Variants in TMEM132B observed in about 807,000 individuals in gnomAD.
The protein encoded by TMEM132B is transmembrane protein 132B.
A neutral mutation model predicts 90.8 loss-of-function variants in TMEM132B; 18 were observed. The ratio of observed to expected loss-of-function variants is 0.20; its 90% CI spans 0.14 to 0.29. The LOEUF (loss-of-function observed/expected upper bound fraction) is 0.29, where lower values mean the gene tolerates loss of function less well. TMEM132B is among the 10% of genes least tolerant of loss of function. The pLI is 1.00. For synonymous variants in TMEM132B, 504 were observed against 523.3 expected, an observed-to-expected ratio of 0.96 and a Z score of 0.50; for missense variants, 1,096 against 1,326.8, an observed-to-expected ratio of 0.83 and a Z score of 2.70.
chr12:125,416,459 T>G (rs753539305), intron 3 of TMEM132B, among the ~76,000 whole-genome samples: 4 of 152,272 alleles, frequency 2.6e-5, no homozygotes, highest in Non-Finnish European at 5.9e-5. Context: ...CCGAGTTTGT[T>G]GCTTATCACC....
intron 4 of TMEM132B, among the ~76,000 whole-genome samples, chr12:125,567,159 A>G (rs1459604643): frequency 6.6e-6 from 1 of 152,070 alleles, no homozygotes; most frequent in African/African-American, 2.4e-5. Flanking sequence ...TTTGGCTGAC[A>G]ACCACAGCCT....
chr12:125,437,125 C>T (rs1029568455), intron 3 of TMEM132B, among the ~76,000 whole-genome samples: 1 of 152,126 alleles, frequency 6.6e-6, no homozygotes, highest in African/African-American at 2.4e-5. Context: ...AGACAGATGT[C>T]TTTGCACCCA....
In TMEM132B at chr12:125,494,666, G is replaced by T. The variant is rs370856754; in HGVS notation, c.1107-24773G>T. On this transcript the variant is annotated intron_variant, in intron 3 of 8. Transcript: ENST00000682704. ...GCCATGTCCCTCATCCTTGGAAATG[G>T]ATGTGTCCCTCCTCCCCTTCCTCCC... Among the ~76,000 whole-genome samples the T allele has an allele frequency of 2.3e-4, 27 of 119,078 alleles. No individual in the cohort carries two copies. The East Asian group carries it at 5.9e-3, about 26-fold the overall frequency. 78.1% of individuals were successfully genotyped at this position (119,078 alleles called of 152,430 possible). A position where few individuals can be genotyped will look rare whatever the true frequency, so the allele number is the denominator to read the frequency against.
intron 1 of TMEM132B, among the ~76,000 whole-genome samples, chr12:125,216,470 A>G (rs1397646019): frequency 2.0e-5 from 3 of 151,970 alleles, no homozygotes; most frequent in African/African-American, 7.3e-5. Context: ...TGAACACAAA[A>G]CTTCATTTTG....
At position 125,662,299 on chromosome 12, in the gene TMEM132B, C is replaced by T. The variant is rs1007004912; in HGVS notation, c.*7589C>T. The T allele has an allele frequency of 6.6e-6, 1 of 152,036 alleles. No homozygotes were observed. Among genetic ancestry groups the T allele is most frequent in the Non-Finnish European group, 1.5e-5 (1 of 67,998 alleles). The allele number at this position is 152,036 out of a possible 1,614,324, so 9.4% of individuals were successfully genotyped here. The stretch of plus-strand genomic sequence containing the variant: ...GTATGATCTGTTGTGTATGTTCCAC[C>T]GTATATTTAATGTCTCTGTAAAGGC... On this transcript the variant is annotated 3_prime_UTR_variant, in exon 9 of 9. Coordinates refer to ENST00000682704, the MANE Select transcript of TMEM132B (RefSeq NM_001366854.1).
intron 1 of TMEM132B, among the ~76,000 whole-genome samples, chr12:125,295,515 TGAGAGAGA>T (rs1555237218): frequency 7.0e-6 from 1 of 142,336 alleles, no homozygotes; most frequent in Non-Finnish European, 1.5e-5. Context: ...TGTGTGTGTG[TGAGAGAGA>T]GAGAGAGAGA....
chr12:125,343,333 GA>G (rs5801592), intron 1 of TMEM132B, among the ~76,000 whole-genome samples: 5,139 of 152,310 alleles, frequency 0.034, 115 homozygotes, highest in Admixed American at 0.053. Context: ...TGCTCTACCT[GA>G]GAATCCAGGC....
intron 2 of TMEM132B, among the ~76,000 whole-genome samples, chr12:125,364,938 A>AT (rs763872007): frequency 2.0e-5 from 3 of 151,784 alleles, no homozygotes; most frequent in South Asian, 2.1e-4. Context: ...TGTGTCTTGT[A>AT]TTTTTTATCT....
intron 2 of TMEM132B, among the ~76,000 whole-genome samples, chr12:125,395,708 G>T (rs926097744): frequency 7.2e-5 from 11 of 152,330 alleles, no homozygotes; most frequent in Non-Finnish European, 1.6e-4. Context: ...AACTCAAAGT[G>T]GCTTAAGGGT....
intron 2 of TMEM132B, among the ~76,000 whole-genome samples, chr12:125,366,028 C>T (rs2136260531): frequency 6.6e-6 from 1 of 152,202 alleles, no homozygotes; most frequent in East Asian, 1.9e-4. Flanking sequence ...CACTTCCCTT[C>T]CCAGCCTCTG....
chr12:125,426,927 G>A (rs925277814), intron 3 of TMEM132B, among the ~76,000 whole-genome samples: 3 of 152,212 alleles, frequency 2.0e-5, no homozygotes, highest in Non-Finnish European at 2.9e-5. Context: ...AACACAATGG[G>A]TTCCGTATGG....
intron 1 of TMEM132B, among the ~76,000 whole-genome samples, chr12:125,244,744 G>A (rs904615514): frequency 6.6e-6 from 1 of 152,188 alleles, no homozygotes; most frequent in African/African-American, 2.4e-5. Flanking sequence ...AAAGCCATGC[G>A]AAGGGATGAT....
At chr12:125,205,667 C>G (rs929678037) in intron 1 of TMEM132B, among the ~76,000 whole-genome samples, 1 of 152,242 alleles carries the variant, frequency 6.6e-6, no homozygotes, top group Non-Finnish European at 1.5e-5. Flanking sequence ...TCCATGTGGT[C>G]TCTCCAGCCT....
intron 1 of TMEM132B, among the ~76,000 whole-genome samples, chr12:125,321,536 G>A (rs962642463): frequency 2.0e-5 from 3 of 150,662 alleles, no homozygotes; most frequent in Non-Finnish European, 3.0e-5. Flanking sequence ...GGAGTTCAGT[G>A]GAGCAATCTC....
intron 2 of TMEM132B, among the ~76,000 whole-genome samples, chr12:125,391,282 T>C (rs995704323): frequency 1.3e-5 from 2 of 152,210 alleles, no homozygotes; most frequent in Non-Finnish European, 2.9e-5. Flanking sequence ...GATAGAGCTA[T>C]ACAAATGGAA....
intron 2 of TMEM132B, among the ~76,000 whole-genome samples, chr12:125,383,817 G>C: frequency 6.6e-6 from 1 of 152,160 alleles, no homozygotes; most frequent in Middle Eastern, 3.2e-3. Flanking sequence ...TGACTTTGAG[G>C]CTTATTAGCT....
At chr12:125,608,097 C>T (rs182892343) in intron 5 of TMEM132B, among the ~76,000 whole-genome samples, 252 of 152,172 alleles carry the variant, frequency 1.7e-3, no homozygotes, top group Middle Eastern at 3.4e-3. Flanking sequence ...TTCTTTTGAG[C>T]GTATACTTAG....
At chr12:125,224,395 C>G (rs758725852) in intron 1 of TMEM132B, among the ~76,000 whole-genome samples, 2 of 152,202 alleles carry the variant, frequency 1.3e-5, no homozygotes, top group Admixed American at 6.5e-5. Flanking sequence ...AATTCAGTCT[C>G]TGTTTTAAGT....
chr12:125,539,111 A>G (rs772129188), intron 4 of TMEM132B, among the ~76,000 whole-genome samples: 149 of 152,304 alleles, frequency 9.8e-4, no homozygotes, highest in Middle Eastern at 3.4e-3. Flanking sequence ...TTCATTAAAC[A>G]GATTGTATGA....
Sources: gnomAD v4.1 joint callset for allele counts (sites outside exome capture counted in the v4.1 genomes callset) on GRCh38, gnomAD v4.1.1 for gene constraint, MANE v1.5 for transcripts, NCBI Gene and HGNC (gene_info 2026-07-23, HGNC 2026-07-21) for gene names.